OPA1: variants seen among roughly 807,000 people sequenced by gnomAD.
OPA1 encodes dynamin-like GTPase OPA1, mitochondrial.
In OPA1, 59 loss-of-function variants were observed where a neutral mutation model predicts 152.9. The observed-to-expected ratio is 0.39, with a 90% CI of 0.31 to 0.48. The LOEUF (loss-of-function observed/expected upper bound fraction) is 0.48. Ranked by LOEUF, OPA1 falls within the 20% of genes least tolerant of loss-of-function variation. The pLI, the probability that OPA1 is intolerant of heterozygous loss-of-function variation, is 0.96. For missense variants in OPA1, 1,008 were observed against 1,216.8 expected (o/e 0.83, Z 2.55); for synonymous variants, 400 against 389.9 (o/e 1.03, Z -0.31).
intron 5 of OPA1, among the ~76,000 whole-genome samples, chr3:193,618,275 G>A (rs765579506): frequency 2.8e-4 from 42 of 151,946 alleles, no homozygotes; most frequent in Non-Finnish European, 5.7e-4. Context: ...TCAGGAGATC[G>A]AGACCATCCT....
chr3:193,624,627 AT>A (rs1730734592), intron 6 of OPA1, among the ~76,000 whole-genome samples: 1 of 152,156 alleles, frequency 6.6e-6, no homozygotes, highest in South Asian at 2.1e-4. Flanking sequence ...AAACTGATTT[AT>A]TTAAAGACAT....
intron 6 of OPA1, among the ~76,000 whole-genome samples, chr3:193,620,766 A>G (rs999346737): frequency 6.6e-5 from 10 of 152,218 alleles, no homozygotes; most frequent in African/African-American, 1.4e-4. Flanking sequence ...TGATGGTTTC[A>G]AATTCTGTTA....
At chr3:193,640,679 G>T (rs1345441291) in intron 11 of OPA1, among the ~76,000 whole-genome samples, 1 of 152,210 alleles carries the variant, frequency 6.6e-6, no homozygotes, top group Admixed American at 6.5e-5. Flanking sequence ...GATTACTGAG[G>T]TGGACTGAAG....
chr3:193,668,414 G>A, intron 29 of OPA1: 1 of 1,551,122 alleles, frequency 6.4e-7, no homozygotes, highest in Non-Finnish European at 8.7e-7. Flanking sequence ...TCTGGGCTCT[G>A]ACATCCGTGC....
intron 29 of OPA1, chr3:193,668,215 A>G (rs1475992128): frequency 5.2e-6 from 4 of 776,316 alleles, no homozygotes; most frequent in Non-Finnish European, 8.2e-6. Context: ...CTTTCCTGAT[A>G]GAAAACGGGC....
intron 6 of OPA1, chr3:193,624,281 A>G (rs1192366051): frequency 6.6e-6 from 1 of 152,200 alleles, no homozygotes; most frequent in African/African-American, 2.4e-5. Flanking sequence ...CCTTCTCACT[A>G]TTGCTCTTGA....
chr3:193,635,959 A>G (rs1732862410), intron 9 of OPA1, among the ~76,000 whole-genome samples: 1 of 152,204 alleles, frequency 6.6e-6, no homozygotes, highest in Non-Finnish European at 1.5e-5. Context: ...GAGCTTTCTT[A>G]GGCATTTCAA....
In OPA1 at chr3:193,655,247, G is replaced by A. The variant is rs1713513209; in HGVS notation, c.2178+220G>A. Reference sequence around the variant, plus strand: ...CTAATTGGTATGATGTTGGCCTGAGGGTATTGGTACTTCTTCCAAAGACAA... The same window carrying A: ...CTAATTGGTATGATGTTGGCCTGAGAGTATTGGTACTTCTTCCAAAGACAA... On this transcript the variant is annotated intron_variant, in intron 22 of 30. Coordinates refer to ENST00000361510, the MANE Select transcript of OPA1 (RefSeq NM_130837.3). Among the ~76,000 whole-genome samples the A allele has an allele frequency of 2.0e-5, 3 of 152,052 alleles. No homozygotes were observed. The South Asian group carries it at 6.2e-4, about 31-fold the overall frequency.
rs368565789 is a variant in OPA1 at position 193,678,314 on chromosome 3, GT to G, written c.2983+11045del. Among the ~76,000 whole-genome samples, 1,280 of 145,500 alleles carry G rather than the reference GT, an allele frequency of 8.8e-3. 17 individuals are homozygous for G. The highest frequency in any genetic ancestry group is 0.03 in the African/African-American group (1,196 of 39,966). On this transcript the variant is annotated intron_variant, in intron 29 of 30. Transcript: ENST00000361510. ...CAAAGTACACTACTGGAATTTGAGGGTTTTTTTTTTTAACATCCTTTTCATT... is the reference window on the plus strand; with the variant it reads ...CAAAGTACACTACTGGAATTTGAGGGTTTTTTTTTTAACATCCTTTTCATT...
In OPA1 at chr3:193,626,169, A is replaced by G. The variant is rs375963561; in HGVS notation, c.756A>G (p.Gln252=). The change falls in exon 7 of 31, where the codon CAA becomes CAG. Residue 252 remains glutamine, a synonymous_variant. Coordinates refer to ENST00000361510, the MANE Select transcript of OPA1 (RefSeq NM_130837.3). ...HEEEARRAAG[Q]YSTSYAQQKR... ...AGGAAGCGCGCAGAGCCGCTGGCCAATATAGCACGAGCTATGCCCAACAGA... is the reference window on the plus strand; with the variant it reads ...AGGAAGCGCGCAGAGCCGCTGGCCAGTATAGCACGAGCTATGCCCAACAGA... 7.4e-6 allele frequency: 12 copies of G among 1,614,002 alleles called. No homozygotes were observed. The Admixed American group carries it at 1.0e-4, about 13-fold the overall frequency.
At chr3:193,634,466 G>A (rs1446331930) in intron 8 of OPA1, among the ~76,000 whole-genome samples, 5 of 151,828 alleles carry the variant, frequency 3.3e-5, no homozygotes, top group Non-Finnish European at 5.9e-5. Context: ...TCGCCAGGCT[G>A]GAGTGCAGTG....
chr3:193,685,328 A>G (rs1720796395), intron 29 of OPA1, among the ~76,000 whole-genome samples: 2 of 152,276 alleles, frequency 1.3e-5, no homozygotes, highest in East Asian at 3.9e-4. Context: ...GAATTTATCA[A>G]CAAATTGCTG....
intron 29 of OPA1, among the ~76,000 whole-genome samples, chr3:193,674,310 G>A (rs1456363114): frequency 3.3e-5 from 5 of 152,136 alleles, no homozygotes; most frequent in Non-Finnish European, 5.9e-5. Flanking sequence ...AGAAGTATAG[G>A]CTATAGATGA....
intron 29 of OPA1, among the ~76,000 whole-genome samples, chr3:193,682,729 A>G (rs971372863): frequency 1.3e-5 from 2 of 152,198 alleles, no homozygotes; most frequent in African/African-American, 4.8e-5. Context: ...GGTTTACTGA[A>G]TATTATAACT....
intron 1 of OPA1, among the ~76,000 whole-genome samples, chr3:193,607,777 G>T (rs932601330): frequency 1.1e-4 from 17 of 152,270 alleles, no homozygotes; most frequent in South Asian, 4.1e-4. Flanking sequence ...CTTTAAAGTA[G>T]TTTTTTCCAA....
intron 29 of OPA1, among the ~76,000 whole-genome samples, chr3:193,669,488 C>T (rs1185500246): frequency 6.6e-6 from 1 of 152,130 alleles, no homozygotes; most frequent in Non-Finnish European, 1.5e-5. Context: ...TCTCCCAGAG[C>T]CTTAGCTTCT....
intron 29 of OPA1, among the ~76,000 whole-genome samples, chr3:193,674,211 T>G (rs747209108): frequency 3.9e-5 from 6 of 152,228 alleles, no homozygotes; most frequent in Non-Finnish European, 5.9e-5. Context: ...CAGTCTCCTC[T>G]TATCCTTCAT....
chr3:193,648,853 A>G lies in OPA1; in HGVS notation c.1994A>G (p.Gln665Arg), dbSNP rs748821757. 2 of 1,607,086 alleles carry G rather than the reference A, an allele frequency of 1.2e-6. No individual in the cohort carries two copies. Among genetic ancestry groups the G allele is most frequent in the South Asian group, 1.1e-5 (1 of 90,930 alleles). Residue 665 changes from glutamine to arginine, a missense_variant, in exon 21 of 31, where the codon CAG becomes CGG. Gln to Arg is a conservative substitution (Grantham distance 43). Coordinates refer to ENST00000361510, the MANE Select transcript of OPA1 (RefSeq NM_130837.3). ...CTTGATGAAGTTATCAGTCTGAGCC[A>G]GGTTACACCAAAACATTGGTAAGTA... is the stretch of plus-strand genomic sequence containing the variant. ...EILDEVISLS[Q>R]VTPKHWEEIL...
intron 21 of OPA1, among the ~76,000 whole-genome samples, chr3:193,651,852 A>C (rs1017430328): frequency 1.3e-5 from 2 of 152,076 alleles, no homozygotes; most frequent in African/African-American, 2.4e-5. Context: ...TACTTCTTAC[A>C]TTTTCTGTAT....
Sources: allele counts gnomAD v4.1 joint callset (sites outside exome capture counted in the v4.1 genomes callset), GRCh38; gene constraint gnomAD v4.1.1; transcripts MANE v1.5; gene names NCBI Gene and HGNC (gene_info 2026-07-23, HGNC 2026-07-21).